TPD52: variants seen among roughly 807,000 people sequenced by gnomAD.
TPD52 encodes tumor protein D52, also known as prostate and colon associated protein.
A neutral mutation model predicts 31.3 loss-of-function variants in TPD52; 17 were observed. That is an observed-to-expected ratio of 0.54 (90% CI 0.37 to 0.82). TPD52 has a LOEUF of 0.82. Among genes scored for constraint, TPD52 ranks in the 40% least tolerant of loss-of-function variants. The pLI is 0.00. For synonymous variants in TPD52, 83 were observed against 89.6 expected (o/e 0.93, Z 0.42); for missense variants, 212 against 240.1 (o/e 0.88, Z 0.77).
chr8:80,153,306 G>T (rs985494749), intron 1 of TPD52, among the ~76,000 whole-genome samples: 1 of 152,190 alleles, frequency 6.6e-6, no homozygotes, highest in African/African-American at 2.4e-5. Context: ...GGGCCCGCAC[G>T]GTGAGCTGTC....
intron 1 of TPD52, among the ~76,000 whole-genome samples, chr8:80,091,913 G>C (rs1816304253): frequency 6.6e-6 from 1 of 152,190 alleles, no homozygotes. Context: ...GAGGATGAAA[G>C]CTTGAGTAAA....
intron 1 of TPD52, among the ~76,000 whole-genome samples, chr8:80,075,887 T>C (rs1554583533): frequency 6.6e-6 from 1 of 152,176 alleles, no homozygotes. Context: ...TTTTAAGAAG[T>C]GGTAACCACT....
At chr8:80,088,942 G>T (rs1015084127) in intron 1 of TPD52, among the ~76,000 whole-genome samples, 2 of 152,122 alleles carry the variant, frequency 1.3e-5, no homozygotes, top group Non-Finnish European at 2.9e-5. Context: ...TGATCCGCCC[G>T]CCTCGGCCTC....
chr8:80,152,722 T>C (rs1810660629), intron 1 of TPD52, among the ~76,000 whole-genome samples: 1 of 141,698 alleles, frequency 7.1e-6, no homozygotes, highest in East Asian at 2.1e-4. Flanking sequence ...GCAGATGTTG[T>C]AGTAGCCGAG....
chr8:80,070,328 C>G (rs529737830), intron 1 of TPD52, among the ~76,000 whole-genome samples: 21 of 152,200 alleles, frequency 1.4e-4, no homozygotes, highest in African/African-American at 5.1e-4. Context: ...AGCTTTTTGG[C>G]CATTGTCATA....
intron 1 of TPD52, among the ~76,000 whole-genome samples, chr8:80,083,528 T>G (rs919052206): frequency 2.0e-5 from 3 of 150,808 alleles, no homozygotes; most frequent in Admixed American, 1.3e-4. Flanking sequence ...GAGATCTTTA[T>G]AAGGAGAACA....
chr8:80,063,569 A>G (rs944290612), intron 2 of TPD52, among the ~76,000 whole-genome samples: 1 of 152,156 alleles, frequency 6.6e-6, no homozygotes, highest in African/African-American at 2.4e-5. Flanking sequence ...AGACCAAGGC[A>G]GGTGGATCAC....
At chr8:80,116,733 G>GA (rs1479640215) in intron 1 of TPD52, among the ~76,000 whole-genome samples, 2 of 150,376 alleles carry the variant, frequency 1.3e-5, no homozygotes, top group Non-Finnish European at 3.0e-5. Flanking sequence ...ATACAGACAC[G>GA]AAAGTCCTCA....
intron 1 of TPD52, among the ~76,000 whole-genome samples, chr8:80,108,734 A>G (rs913511027): frequency 5.0e-5 from 7 of 138,734 alleles, no homozygotes; most frequent in Non-Finnish European, 9.5e-5. Context: ...CAAGAATTAC[A>G]TAAGACTGAA....
At chr8:80,103,398 A>G (rs545335384) in intron 1 of TPD52, among the ~76,000 whole-genome samples, 2 of 152,372 alleles carry the variant, frequency 1.3e-5, no homozygotes, top group African/African-American at 4.8e-5. Context: ...CAAATACTTT[A>G]TAAAAGTTTC....
At chr8:80,107,513 C>G (rs1408999468) in intron 1 of TPD52, among the ~76,000 whole-genome samples, 1 of 152,170 alleles carries the variant, frequency 6.6e-6, no homozygotes, top group Non-Finnish European at 1.5e-5. Flanking sequence ...CTTTGGACTA[C>G]TTTTAATAAG....
chr8:80,106,558 G>A (rs989244659), intron 1 of TPD52, among the ~76,000 whole-genome samples: 18 of 151,686 alleles, frequency 1.2e-4, no homozygotes, highest in Admixed American at 5.2e-4. Context: ...GGGTTTCACC[G>A]TGTTAGCCAG....
chr8:80,095,763 G>T (rs146325788), intron 1 of TPD52, among the ~76,000 whole-genome samples: 37 of 152,224 alleles, frequency 2.4e-4, no homozygotes, highest in African/African-American at 8.2e-4. Context: ...GGCCAACATG[G>T]TGAAACTCCG....
At chr8:80,047,784 T>C (rs776850955) in intron 5 of TPD52, among the ~76,000 whole-genome samples, 2 of 152,208 alleles carry the variant, frequency 1.3e-5, no homozygotes, top group African/African-American at 2.4e-5. Context: ...AGCAGGACTT[T>C]AATGAGCCCA....
At chr8:80,143,758 A>G (rs1045818244) in intron 1 of TPD52, among the ~76,000 whole-genome samples, 1 of 152,234 alleles carries the variant, frequency 6.6e-6, no homozygotes, top group Non-Finnish European at 1.5e-5. Flanking sequence ...GAAACAATGA[A>G]AAACTTACTA....
chr8:80,095,721 G>A (rs926030681), intron 1 of TPD52, among the ~76,000 whole-genome samples: 8 of 152,068 alleles, frequency 5.3e-5, no homozygotes, highest in African/African-American at 1.7e-4. Flanking sequence ...CAAGGTGGGA[G>A]GATCATGAGG....
chr8:80,117,734 C>CA (rs1218649027), intron 1 of TPD52, among the ~76,000 whole-genome samples: 1 of 131,398 alleles, frequency 7.6e-6, no homozygotes, highest in Non-Finnish European at 1.6e-5. Context: ...TTTTTTCTTT[C>CA]TTTTTTTTTT....
chr8:80,142,342 C>T (rs1279522277), intron 1 of TPD52, among the ~76,000 whole-genome samples: 2 of 152,180 alleles, frequency 1.3e-5, no homozygotes, highest in African/African-American at 4.8e-5. Flanking sequence ...TCCTGTTGGA[C>T]ATTAAATTAA....
intron 1 of TPD52, among the ~76,000 whole-genome samples, chr8:80,098,398 T>A (rs866030664): frequency 3.9e-5 from 6 of 152,166 alleles, no homozygotes; most frequent in African/African-American, 1.4e-4. Flanking sequence ...ATTAAGAAAG[T>A]TCATGTTTCA....
Sources: gnomAD v4.1 joint callset for allele counts (sites outside exome capture counted in the v4.1 genomes callset) on GRCh38, gnomAD v4.1.1 for gene constraint, MANE v1.5 for transcripts, NCBI Gene and HGNC (gene_info 2026-07-23, HGNC 2026-07-21) for gene names.